Variants in ATP2B1 observed in about 807,000 individuals in gnomAD.
ATP2B1 encodes plasma membrane calcium-transporting ATPase 1.
ATP2B1 carries 14 observed loss-of-function variants against 124.2 expected under a neutral mutation model. That is an observed-to-expected ratio of 0.11 (90% confidence interval 0.07 to 0.18). The LOEUF is 0.18. Among genes scored for constraint, ATP2B1 ranks in the 10% least tolerant of loss-of-function variants. ATP2B1 has a pLI of 1.00. For synonymous variants in ATP2B1, 449 were observed against 492.4 expected (o/e 0.91, Z 1.17); for missense variants, 763 against 1,466.1 (o/e 0.52, Z 7.83).
chr12:89,655,512 A>G (rs1885845481), intron 2 of ATP2B1, 167 bp downstream of exon 2: 2 of 653,026 alleles, frequency 3.1e-6, no homozygotes, highest in Non-Finnish European at 5.2e-6. Context: ...ATGTGTTAAT[A>G]TAAAAATACT....
chr12:89,614,799 T>G (rs1878669205), intron 12 of ATP2B1, among the ~76,000 whole-genome samples: 1 of 152,184 alleles, frequency 6.6e-6, no homozygotes, highest in South Asian at 2.1e-4. Flanking sequence ...TATTACTTCC[T>G]ACTGGTTCTA....
intron 6 of ATP2B1, among the ~76,000 whole-genome samples, chr12:89,629,526 T>C (rs1340829053): frequency 1.3e-5 from 2 of 152,150 alleles, no homozygotes; most frequent in African/African-American, 4.8e-5. Context: ...CGTCCAGAAT[T>C]TTTCACATAC....
intron 1 of ATP2B1, among the ~76,000 whole-genome samples, chr12:89,683,971 C>T (rs2136661377): frequency 6.6e-6 from 1 of 152,076 alleles, no homozygotes; most frequent in East Asian, 1.9e-4. Context: ...TTGGAATATG[C>T]AGAATGGCCA....
chr12:89,592,956 G>A (rs554786974), intron 20 of ATP2B1, among the ~76,000 whole-genome samples: 1 of 152,162 alleles, frequency 6.6e-6, no homozygotes, highest in African/African-American at 2.4e-5. Context: ...GGAGCAGCAA[G>A]CATCTATTCT....
chr12:89,630,776 T>TATAAATATATAC (rs1881735230), intron 5 of ATP2B1, 131 bp from the exon 6 acceptor site: 1 of 251,212 alleles, frequency 4.0e-6, no homozygotes, highest in African/African-American at 2.3e-5. Flanking sequence ...AATATAAATA[T>TATAAATATATAC]ATAAATATAT....
chr12:89,689,260 G>A (rs998307766), intron 1 of ATP2B1, among the ~76,000 whole-genome samples: 2 of 151,942 alleles, frequency 1.3e-5, no homozygotes, highest in African/African-American at 2.4e-5. Flanking sequence ...TCCCATGTAT[G>A]TCCTATACAA....
chr12:89,638,165 G>T (rs1053049384), intron 3 of ATP2B1, among the ~76,000 whole-genome samples: 1 of 152,012 alleles, frequency 6.6e-6, no homozygotes, highest in African/African-American at 2.4e-5. Context: ...AATATATAAA[G>T]AATTTTAACA....
chr12:89,674,327 A>T (rs771089839), intron 1 of ATP2B1, among the ~76,000 whole-genome samples: 1 of 151,978 alleles, frequency 6.6e-6, no homozygotes, highest in Non-Finnish European at 1.5e-5. Flanking sequence ...ACAGGGTTCA[A>T]AGCAGTGTCT....
intron 1 of ATP2B1, among the ~76,000 whole-genome samples, chr12:89,672,842 C>T (rs563901656): frequency 3.9e-5 from 6 of 152,266 alleles, no homozygotes; most frequent in Non-Finnish European, 5.9e-5. Context: ...AAGTCTAGTG[C>T]GGTTATCTGT....
chr12:89,675,430 G>A (rs1222979006), intron 1 of ATP2B1, among the ~76,000 whole-genome samples: 1 of 152,126 alleles, frequency 6.6e-6, no homozygotes, highest in East Asian at 1.9e-4. Flanking sequence ...CCTGTATTCT[G>A]AAAGCAGAAT....
Position 89,692,573 on chromosome 12 carries a change from C to G in ATP2B1, c.-222+16023G>C, listed in dbSNP as rs551799997. 3.9e-5 allele frequency among the ~76,000 whole-genome samples: 6 copies of G among 152,252 alleles called. No homozygotes were observed. The South Asian group carries it at 1.2e-3, about 32-fold the overall frequency. ...ACAAATTATTGTCAAATAAAAATTA[C>G]TAAAGTATACAATAATCATACAAAT... On this transcript the variant is annotated intron_variant, in intron 1 of 20. Transcript: ENST00000428670.
chr12:89,636,554 T>G (rs1316570899), intron 3 of ATP2B1, among the ~76,000 whole-genome samples: 2 of 152,110 alleles, frequency 1.3e-5, no homozygotes, highest in African/African-American at 4.8e-5. Context: ...AGCAGGAGGA[T>G]TATTCAGAAG....
intron 1 of ATP2B1, among the ~76,000 whole-genome samples, chr12:89,677,054 CA>C (rs1404107575): frequency 1.3e-5 from 2 of 150,894 alleles, no homozygotes; most frequent in African/African-American, 4.9e-5. Flanking sequence ...AAGAAACAAA[CA>C]AAAACAATCA....
At position 89,603,155 on chromosome 12, in the gene ATP2B1, T is replaced by G; in HGVS notation, c.2948A>C (p.Gln983Pro). ...TIVFNTFVLM[Q>P]LFNEINARKI... Reference sequence around the variant, plus strand: ...CCGGGCATTTATTTCGTTGAAAAGTTGCATCAGCACAAAGGTATTAAAAAC... The same window carrying G: ...CCGGGCATTTATTTCGTTGAAAAGTGGCATCAGCACAAAGGTATTAAAAAC... The change falls in exon 18 of 21, where the codon CAA becomes CCA. Residue 983 changes from glutamine (Q) to proline (P), a missense_variant. Around this residue, in one of 7 missense-constraint regions of ATP2B1, gnomAD observed 118 missense variants for 240.3 expected, o/e 0.49. Coordinates refer to ENST00000428670, the MANE Select transcript of ATP2B1 (RefSeq NM_001366521.1). This position sits in a 1 kb window ranked among gnomAD's most constrained non-coding sequence, Gnocchi z 4.3. 6.2e-7 allele frequency: 1 copy of G among 1,613,936 alleles called. No homozygotes were observed. The highest frequency in any genetic ancestry group is 8.5e-7 in the Non-Finnish European group (1 of 1,179,912).
At chr12:89,642,098 T>C in intron 3 of ATP2B1, 60 bp downstream of exon 3, 2 of 1,486,346 alleles carry the variant, frequency 1.3e-6, no homozygotes, top group Admixed American at 3.5e-5. Context: ...TATTGTGCAT[T>C]AACTAAATGA....
chr12:89,606,264 G>A (rs1230688957), intron 15 of ATP2B1, among the ~76,000 whole-genome samples: 1 of 152,076 alleles, frequency 6.6e-6, no homozygotes, highest in Non-Finnish European at 1.5e-5. Context: ...AAAGTCAGTA[G>A]TTAAAGCCTT....
intron 1 of ATP2B1, among the ~76,000 whole-genome samples, chr12:89,666,782 A>C (rs970393631): frequency 6.6e-6 from 1 of 152,056 alleles, no homozygotes; most frequent in African/African-American, 2.4e-5. Flanking sequence ...TCCTCTTTCA[A>C]TTCCAAGACC....
rs528665279 is a variant in ATP2B1 at position 89,658,645 on chromosome 12, G to A, written c.-221-2538C>T. ...AGAGAGAGAGAGAGAGAGAGAGAGA[G>A]AGATAGAGATAGCATGTGGCTGTCA... On this transcript the variant is annotated intron_variant, in intron 1 of 20. Transcript: ENST00000428670. 5.8e-5 allele frequency among the ~76,000 whole-genome samples: 8 copies of A among 138,084 alleles called. No individual in the cohort carries two copies. In the East Asian group the frequency reaches 1.6e-3, roughly 27 times the overall value. The allele number at this position is 138,084 out of a possible 152,430, so 90.6% of individuals were successfully genotyped here.
intron 1 of ATP2B1, among the ~76,000 whole-genome samples, chr12:89,680,485 C>T (rs745306123): frequency 1.9e-4 from 29 of 151,856 alleles, no homozygotes; most frequent in Non-Finnish European, 3.2e-4. Flanking sequence ...CATTGGAGAA[C>T]GGATTTCGAG....
Sources: gnomAD v4.1 joint callset for allele counts (sites outside exome capture counted in the v4.1 genomes callset) on GRCh38, gnomAD v4.1.1 for gene constraint, gnomAD v4.1.1 regional missense constraint, Gnocchi (gnomAD v3.1) non-coding constraint, MANE v1.5 for transcripts, NCBI Gene and HGNC (gene_info 2026-07-23, HGNC 2026-07-21) for gene names.